Variants in STARD13 observed in about 807,000 individuals in gnomAD.
The protein encoded by STARD13 is StAR related lipid transfer domain containing 13.
In STARD13, 62 loss-of-function variants were observed where a neutral mutation model predicts 106.4. The observed-to-expected ratio is 0.58, with a 90% confidence interval of 0.48 to 0.72. The LOEUF is 0.72. STARD13 is among the 30% of genes least tolerant of loss of function. STARD13 has a pLI of 0.00. For missense variants in STARD13, 1,387 were observed against 1,424.0 expected (o/e 0.97, Z 0.42); for synonymous variants, 565 against 553.0 (o/e 1.02, Z -0.31).
At chr13:33,295,461 C>T (rs765931054) in intron 1 of STARD13, among the ~76,000 whole-genome samples, 23 of 152,276 alleles carry the variant, frequency 1.5e-4, no homozygotes, top group East Asian at 3.9e-4. Context: ...TTTTTTCTGA[C>T]GTCTCGTTTG....
At chr13:33,113,089 A>C in intron 8 of STARD13, 158 bp from the exon 9 acceptor site, 1 of 572,610 alleles carries the variant, frequency 1.7e-6, no homozygotes, top group Non-Finnish European at 3.0e-6. Flanking sequence ...AGAAGTCAGT[A>C]ATTGCTGAGG....
At chr13:33,111,333 A>C (rs777128273) in intron 10 of STARD13, among the ~76,000 whole-genome samples, 1 of 152,218 alleles carries the variant, frequency 6.6e-6, no homozygotes, top group Non-Finnish European at 1.5e-5. Flanking sequence ...ACAAATGCCA[A>C]TTCTATCACA....
chr13:33,294,247 C>G (rs1007091295), intron 1 of STARD13, among the ~76,000 whole-genome samples: 39 of 152,378 alleles, frequency 2.6e-4, no homozygotes, highest in Admixed American at 6.5e-4. Flanking sequence ...CTACATTCAG[C>G]TGACCCTACA....
At chr13:33,248,533 T>C (rs1889944063) in intron 1 of STARD13, among the ~76,000 whole-genome samples, 3 of 152,184 alleles carry the variant, frequency 2.0e-5, no homozygotes, top group Admixed American at 2.0e-4. Flanking sequence ...GAATGATGGG[T>C]GGGGAAGGAG....
At chr13:33,249,689 A>G (rs1349346534) in intron 1 of STARD13, among the ~76,000 whole-genome samples, 3 of 152,240 alleles carry the variant, frequency 2.0e-5, no homozygotes, top group African/African-American at 7.2e-5. Flanking sequence ...TTAAATCTGC[A>G]TGTTTAATTC....
chr13:33,523,242 G>A, the STARD13 span, among the ~76,000 whole-genome samples: 1,893 of 152,146 alleles, frequency 0.012, 33 homozygotes, highest in African/African-American at 0.043. Context: ...GCAGAAGTTT[G>A]GTTGTGGCTG....
intron 1 of STARD13, among the ~76,000 whole-genome samples, chr13:33,241,442 AT>A (rs1163571702): frequency 2.0e-5 from 3 of 152,236 alleles, no homozygotes; most frequent in African/African-American, 7.2e-5. Flanking sequence ...AAAAGCTATG[AT>A]AAAGCAGTTT....
chr13:33,274,550 A>T (rs1213674083), intron 1 of STARD13, among the ~76,000 whole-genome samples: 2 of 152,242 alleles, frequency 1.3e-5, no homozygotes, highest in Non-Finnish European at 2.9e-5. Context: ...ACCATGTTTT[A>T]TAATTTTTAA....
At chr13:33,642,958 T>A in the STARD13 span, among the ~76,000 whole-genome samples, 30,630 of 151,802 alleles carry the variant, frequency 0.2, 6,609 homozygotes, top group African/African-American at 0.53. Context: ...GGACAGAGTT[T>A]CCACACAATA....
At chr13:33,267,691 C>T (rs574092996) in intron 1 of STARD13, among the ~76,000 whole-genome samples, 1 of 152,270 alleles carries the variant, frequency 6.6e-6, no homozygotes, top group Non-Finnish European at 1.5e-5. Flanking sequence ...TTTCTGTAAG[C>T]CAGTGGAGTT....
At chr13:33,601,602 A>G in the STARD13 span, among the ~76,000 whole-genome samples, 1 of 152,300 alleles carries the variant, frequency 6.6e-6, no homozygotes, top group Non-Finnish European at 1.5e-5. Flanking sequence ...ACCTAATCTA[A>G]CACACAAGAA....
At chr13:33,406,421 G>T in the STARD13 span, among the ~76,000 whole-genome samples, 6 of 152,238 alleles carry the variant, frequency 3.9e-5, no homozygotes, top group Non-Finnish European at 8.8e-5. Context: ...CACTGAATTT[G>T]AGTACGGAGC....
At chr13:33,232,168 T>A (rs1888959227) in intron 1 of STARD13, among the ~76,000 whole-genome samples, 1 of 151,976 alleles carries the variant, frequency 6.6e-6, no homozygotes, top group Non-Finnish European at 1.5e-5. Flanking sequence ...CAAAAATTAG[T>A]TGGGCATGGT....
At chr13:33,631,825 T>G in the STARD13 span, among the ~76,000 whole-genome samples, 4 of 152,208 alleles carry the variant, frequency 2.6e-5, no homozygotes, top group Non-Finnish European at 5.9e-5. Context: ...TAAAATATTT[T>G]CATGATATCT....
the STARD13 span, among the ~76,000 whole-genome samples, chr13:33,502,667 G>T: frequency 1.3e-5 from 2 of 152,148 alleles, no homozygotes; most frequent in Admixed American, 1.3e-4. Context: ...CTTTGGTTCT[G>T]TTTATATGAT....
chr13:33,184,902 T>C (rs1361977187), intron 1 of STARD13, among the ~76,000 whole-genome samples: 1 of 152,230 alleles, frequency 6.6e-6, no homozygotes, highest in African/African-American at 2.4e-5. Context: ...GATTTATTTA[T>C]TTCCTCCTAT....
intron 1 of STARD13, among the ~76,000 whole-genome samples, chr13:33,243,502 T>A (rs1889652983): frequency 1.3e-5 from 2 of 152,158 alleles, no homozygotes; most frequent in African/African-American, 4.8e-5. Flanking sequence ...GGAGTTCAGA[T>A]TTTAATCCTA....
At chr13:33,493,754 G>A in the STARD13 span, among the ~76,000 whole-genome samples, 148,247 of 152,318 alleles carry the variant, frequency 0.97, 72,164 homozygotes, top group East Asian at 1. Context: ...GACAAATATT[G>A]AAGTTAAGAA....
At chr13:33,502,081 C>A in the STARD13 span, among the ~76,000 whole-genome samples, 1 of 152,154 alleles carries the variant, frequency 6.6e-6, no homozygotes, top group African/African-American at 2.4e-5. Flanking sequence ...TTGTAGTTCT[C>A]CGTGAAGAGG....
Sources: allele counts gnomAD v4.1 joint callset (sites outside exome capture counted in the v4.1 genomes callset), GRCh38; gene constraint gnomAD v4.1.1; transcripts MANE v1.5; gene names NCBI Gene and HGNC (gene_info 2026-07-23, HGNC 2026-07-21).